DPP10: variants seen among roughly 807,000 people sequenced by gnomAD.
DPP10 encodes the protein inactive dipeptidyl peptidase 10.
In DPP10, 33 loss-of-function variants were observed where a neutral mutation model predicts 120.9. The ratio of observed to expected loss-of-function variants is 0.27; its 90% CI spans 0.21 to 0.37. The LOEUF (loss-of-function observed/expected upper bound fraction) is 0.37, where lower values mean the gene tolerates loss of function less well. Among genes scored for constraint, DPP10 ranks in the 10% least tolerant of loss-of-function variants. DPP10 has a pLI of 1.00. For missense variants in DPP10, 816 were observed against 942.8 expected (o/e 0.87, Z 1.76); for synonymous variants, 337 against 326.1 (o/e 1.03, Z -0.36).
At chr2:114,743,475 T>C (rs1396557850) in intron 1 of DPP10, among the ~76,000 whole-genome samples, 1 of 149,068 alleles carries the variant, frequency 6.7e-6, no homozygotes, top group African/African-American at 2.5e-5. Context: ...GCAGGTAAAA[T>C]GGAATTTTTA....
chr2:114,542,607 C>T (rs76969515), intron 1 of DPP10, among the ~76,000 whole-genome samples: 14,611 of 152,206 alleles, frequency 0.096, 808 homozygotes, highest in Admixed American at 0.14. Context: ...ATCAAATCGC[C>T]TTCAGTTGTG....
rs933432124 is a variant in DPP10 at position 115,605,071 on chromosome 2, C to T, written c.441+79099C>T. The stretch of plus-strand genomic sequence containing the variant: ...AGATAGGTAGATGATAGTAAAGTTA[C>T]AGAGAAAACAATCTCCAATATTCAC... On this transcript the variant is annotated intron_variant, in intron 5 of 25. Transcript: ENST00000410059. Among the ~76,000 whole-genome samples the T allele has an allele frequency of 2.0e-5, 3 of 152,080 alleles. No individual in the cohort carries two copies. The East Asian group carries it at 5.8e-4, about 29-fold the overall frequency.
intron 3 of DPP10, among the ~76,000 whole-genome samples, chr2:115,492,546 G>C (rs1268233850): frequency 1.3e-5 from 2 of 151,988 alleles, no homozygotes; most frequent in Non-Finnish European, 2.9e-5. Context: ...CCTTAGATGG[G>C]CGGTCTATTT....
At chr2:115,251,294 G>A (rs2058740061) in intron 1 of DPP10, among the ~76,000 whole-genome samples, 2 of 152,142 alleles carry the variant, frequency 1.3e-5, no homozygotes, top group South Asian at 2.1e-4. Context: ...TGGCTTTAAA[G>A]CATATTGAGA....
At chr2:115,370,526 T>C (rs1332712011) in intron 3 of DPP10, among the ~76,000 whole-genome samples, 1 of 152,072 alleles carries the variant, frequency 6.6e-6, no homozygotes, top group Non-Finnish European at 1.5e-5. Flanking sequence ...AATTCTACTC[T>C]TTATAAACAA....
chr2:114,703,577 TA>T (rs1182174402), intron 1 of DPP10, among the ~76,000 whole-genome samples: 1 of 152,176 alleles, frequency 6.6e-6, no homozygotes, highest in Non-Finnish European at 1.5e-5. Context: ...TGGGAAAAAC[TA>T]ATTCAGCATG....
intron 1 of DPP10, among the ~76,000 whole-genome samples, chr2:114,488,024 G>A (rs558496419): frequency 6.6e-6 from 1 of 152,326 alleles, no homozygotes; most frequent in East Asian, 1.9e-4. Context: ...TTCCAATAAA[G>A]TCTTCATCTG....
intron 1 of DPP10, among the ~76,000 whole-genome samples, chr2:114,443,767 C>G (rs1410314010): frequency 6.6e-6 from 1 of 150,644 alleles, no homozygotes; most frequent in Admixed American, 6.6e-5. Context: ...ACTGCAATCT[C>G]TCATTAACAT....
intron 5 of DPP10, among the ~76,000 whole-genome samples, chr2:115,550,971 A>G (rs3962098): frequency 0.76 from 115,238 of 152,002 alleles, 46,077 homozygotes; most frequent in Non-Finnish European, 0.88. Flanking sequence ...ATTTATTGTC[A>G]ATATTTAAAA....
intron 3 of DPP10, among the ~76,000 whole-genome samples, chr2:115,467,375 G>A (rs2074394521): frequency 6.6e-6 from 1 of 151,912 alleles, no homozygotes; most frequent in Non-Finnish European, 1.5e-5. Context: ...GCCTGGTCAA[G>A]AGACCAGCCT....
At chr2:114,476,134 T>C (rs1333215136) in intron 1 of DPP10, among the ~76,000 whole-genome samples, 2 of 152,228 alleles carry the variant, frequency 1.3e-5, no homozygotes, top group Non-Finnish European at 1.5e-5. Context: ...TTCCTACTTA[T>C]TGCTTTAAAG....
At chr2:115,309,477 G>GA (rs2061494157) in intron 2 of DPP10, 124 bp downstream of exon 2, 2 of 780,632 alleles carry the variant, frequency 2.6e-6, no homozygotes, top group Admixed American at 3.2e-5. Flanking sequence ...TTGGAATTTG[G>GA]AAAAAAAGCA....
At chr2:115,592,149 C>T (rs572871710) in intron 5 of DPP10, among the ~76,000 whole-genome samples, 12 of 152,000 alleles carry the variant, frequency 7.9e-5, no homozygotes, top group Non-Finnish European at 1.2e-4. Context: ...AATGTGTACA[C>T]GTGAGAGCCT....
intron 3 of DPP10, chr2:115,468,413 T>G: frequency 2.1e-6 from 1 of 486,154 alleles, no homozygotes; most frequent in South Asian, 1.5e-5. Context: ...AGCCACAGCT[T>G]CTAGTGGTTA....
chr2:114,958,442 G>A (rs1196718080), intron 1 of DPP10, among the ~76,000 whole-genome samples: 1 of 152,158 alleles, frequency 6.6e-6, no homozygotes, highest in Non-Finnish European at 1.5e-5. Context: ...TGGGCAGGAG[G>A]ACTGCTTTTT....
chr2:115,807,923 T>C (rs879920722), intron 19 of DPP10, among the ~76,000 whole-genome samples: 30 of 152,116 alleles, frequency 2.0e-4, no homozygotes, highest in Admixed American at 6.6e-5. Flanking sequence ...GATAACAATG[T>C]TAATGAACAG....
Position 115,562,356 on chromosome 2 carries a change from T to G in DPP10, c.441+36384T>G, listed in dbSNP as rs187339610. ...CAGGCTTTCAATCCCTTGTCTTACT[T>G]GTCTCCAATATATTTTCCTTCACCC... On this transcript the variant is annotated intron_variant, in intron 5 of 25. Coordinates refer to ENST00000410059, the MANE Select transcript of DPP10 (RefSeq NM_020868.6). Among the ~76,000 whole-genome samples the G allele has an allele frequency of 1.2e-4, 19 of 152,318 alleles. No homozygotes were observed. In the East Asian group the frequency reaches 3.7e-3, roughly 29 times the overall value.
intron 1 of DPP10, among the ~76,000 whole-genome samples, chr2:115,044,330 G>T (rs938053660): frequency 3.3e-5 from 5 of 151,982 alleles, no homozygotes; most frequent in Admixed American, 3.3e-4. Flanking sequence ...AGGGAGAGGT[G>T]CCACACACTT....
At chr2:114,845,871 C>G (rs565227562) in intron 1 of DPP10, among the ~76,000 whole-genome samples, 23 of 152,132 alleles carry the variant, frequency 1.5e-4, no homozygotes, top group Admixed American at 1.5e-3. Flanking sequence ...GAGGCAAACT[C>G]CACTTAAACC....
Sources: allele counts gnomAD v4.1 joint callset (sites outside exome capture counted in the v4.1 genomes callset), GRCh38; gene constraint gnomAD v4.1.1; transcripts MANE v1.5; gene names NCBI Gene and HGNC (gene_info 2026-07-23, HGNC 2026-07-21).